Variants in RUNX1 observed in about 807,000 individuals in gnomAD.
The protein encoded by RUNX1 is runt-related transcription factor 1.
RUNX1 carries 19 observed loss-of-function variants against 42.8 expected under a neutral mutation model. That is an observed-to-expected ratio of 0.44 (90% CI 0.31 to 0.65). The LOEUF (loss-of-function observed/expected upper bound fraction) is 0.65. Among genes scored for constraint, RUNX1 ranks in the 30% least tolerant of loss-of-function variants. RUNX1 has a pLI of 0.07. For synonymous variants in RUNX1, 271 were observed against 289.4 expected (o/e 0.94, Z 0.64); for missense variants, 528 against 672.0 (o/e 0.79, Z 2.37).
chr21:34,806,629 G>C lies in RUNX1; in HGVS notation c.806-7167C>G, dbSNP rs138177001. ...CCTAAACGGCACTACCAGTCAACTTGATCTAATTAACATTTATGGAATACT... is the reference window on the plus strand; with the variant it reads ...CCTAAACGGCACTACCAGTCAACTTCATCTAATTAACATTTATGGAATACT... On this transcript the variant is annotated intron_variant, in intron 7 of 8. Coordinates refer to ENST00000675419, the MANE Select transcript of RUNX1 (RefSeq NM_001754.5). Among the ~76,000 whole-genome samples, 121 of 152,188 alleles carry C rather than the reference G, an allele frequency of 8.0e-4. 1 individual carries two copies. The highest frequency in any genetic ancestry group is 3.4e-3 in the Middle Eastern group (1 of 294).
At chr21:34,834,272 G>T in intron 7 of RUNX1, 138 bp downstream of exon 7, 1 of 865,032 alleles carries the variant, frequency 1.2e-6, no homozygotes, top group Non-Finnish European at 1.9e-6. Context: ...CCCAGGTGGT[G>T]CTGTTGGTTC....
chr21:34,971,417 T>C (rs748500208), intron 2 of RUNX1, among the ~76,000 whole-genome samples: 1 of 152,212 alleles, frequency 6.6e-6, no homozygotes, highest in African/African-American at 2.4e-5. Flanking sequence ...CTCTAAAGAA[T>C]GATAATTCTT....
intron 5 of RUNX1, 72 bp from the exon 6 acceptor site, chr21:34,859,650 A>G: frequency 1.1e-5 from 13 of 1,198,430 alleles, no homozygotes; most frequent in Non-Finnish European, 1.6e-5. Context: ...ATAACCAATC[A>G]TTAATTTATG....
In RUNX1 at chr21:34,880,644, A is replaced by C. The variant is rs1182543054; in HGVS notation, c.421T>G (p.Ser141Ala). 3.4e-5 allele frequency: 55 copies of C among 1,614,026 alleles called. No individual in the cohort carries two copies. Among genetic ancestry groups the C allele is most frequent in the Non-Finnish European group, 4.5e-5 (53 of 1,180,018 alleles). Residue 141 changes from serine (S) to alanine (A), a missense_variant, in exon 5 of 9, where the codon TCG (serine) becomes GCG (alanine). Physicochemically the swap from Ser to Ala is moderately conservative, Grantham distance 99. Transcript: ENST00000675419. ...GCGGTAGCATTTCTCAGCTCAGCCG[A>C]GTAGTTTTCATCATTGCCAGCCATC... ...TVMAGNDENY[S>A]AELRNATAAM... is the part of the protein sequence containing the mutation.
chr21:34,860,789 G>A (rs1005480401), intron 5 of RUNX1, among the ~76,000 whole-genome samples: 4 of 152,030 alleles, frequency 2.6e-5, no homozygotes, highest in African/African-American at 4.8e-5. Flanking sequence ...AATGTCATGC[G>A]TGTCTTAATA....
At chr21:34,997,339 A>T (rs751334665) in intron 2 of RUNX1, among the ~76,000 whole-genome samples, 1 of 151,884 alleles carries the variant, frequency 6.6e-6, no homozygotes, top group Non-Finnish European at 1.5e-5. Context: ...ATTCACAATA[A>T]AAAAAAATAG....
chr21:35,009,666 C>A (rs927766896), intron 2 of RUNX1, among the ~76,000 whole-genome samples: 19 of 152,186 alleles, frequency 1.2e-4, no homozygotes, highest in Non-Finnish European at 2.6e-4. Flanking sequence ...GTGACCTGGA[C>A]TGGTCAGAGT....
chr21:34,839,069 C>T (rs1438790623), intron 6 of RUNX1, among the ~76,000 whole-genome samples: 1 of 152,074 alleles, frequency 6.6e-6, no homozygotes, highest in African/African-American at 2.4e-5. Flanking sequence ...TAAGCTAAGA[C>T]AACACCACAA....
At chr21:34,912,540 C>T (rs1203968258) in intron 2 of RUNX1, among the ~76,000 whole-genome samples, 2 of 152,102 alleles carry the variant, frequency 1.3e-5, no homozygotes, top group African/African-American at 2.4e-5. Context: ...TTTCTCATTC[C>T]GATGGAAAAC....
At position 34,886,939 on chromosome 21, in the gene RUNX1, G is replaced by A. The variant is rs56251824; in HGVS notation, c.255C>T (p.His85=). The change falls in exon 4 of 9, where the codon CAC becomes CAT. Residue 85 remains histidine (H), a synonymous_variant. Transcript: ENST00000675419. ...TGTCGGTGCGCACCAGCTCGCCCGG[G>A]TGGTCGGCCAGCACCTCCACCATGC... ...DRSMVEVLAD[H]PGELVRTDSP... 2.5e-6 allele frequency: 4 copies of A among 1,613,008 alleles called. No homozygotes were observed. The highest frequency in any genetic ancestry group is 3.4e-6 in the Non-Finnish European group (4 of 1,179,698).
At chr21:34,820,204 G>T (rs1389351216) in intron 7 of RUNX1, among the ~76,000 whole-genome samples, 1 of 152,180 alleles carries the variant, frequency 6.6e-6, no homozygotes, top group Non-Finnish European at 1.5e-5. Context: ...TGCGGAGGGT[G>T]GGCATGGCTT....
chr21:34,814,046 CAAA>C (rs968550003), intron 7 of RUNX1, among the ~76,000 whole-genome samples: 1 of 151,018 alleles, frequency 6.6e-6, no homozygotes, highest in Non-Finnish European at 1.5e-5. Context: ...AGCTAAACCT[CAAA>C]AAAAAAGAAG....
In RUNX1 at chr21:34,791,344, T is replaced by A; in HGVS notation, c.*791A>T. On this transcript the variant is annotated 3_prime_UTR_variant, in exon 9 of 9. Coordinates refer to ENST00000675419, the MANE Select transcript of RUNX1 (RefSeq NM_001754.5). ...AAATAATTAAAAAATTATCAACACA[T>A]AAATGTCTGAACATCAAGATACATA... 4.3e-6 allele frequency: 1 copy of A among 231,764 alleles called. No homozygotes were observed. The highest frequency in any genetic ancestry group is 8.5e-6 in the Non-Finnish European group (1 of 117,038). 14.4% of individuals were successfully genotyped at this position (231,764 alleles called of 1,614,324 possible).
At chr21:35,001,477 C>T (rs1474349826) in intron 2 of RUNX1, among the ~76,000 whole-genome samples, 1 of 151,886 alleles carries the variant, frequency 6.6e-6, no homozygotes, top group African/African-American at 2.4e-5. Flanking sequence ...ACTAAATATG[C>T]ATTAGGAGTA....
At chr21:34,828,966 A>C (rs2057027548) in intron 7 of RUNX1, among the ~76,000 whole-genome samples, 1 of 152,186 alleles carries the variant, frequency 6.6e-6, no homozygotes, top group Non-Finnish European at 1.5e-5. Flanking sequence ...ACAGTTTTTG[A>C]GTGTTAACCA....
chr21:34,888,514 A>AT (rs756098686), intron 3 of RUNX1: 6 of 1,065,828 alleles, frequency 5.6e-6, no homozygotes, highest in South Asian at 4.5e-5. Context: ...ACAAAAAAAA[A>AT]CAACAAAAAA....
chr21:34,962,904 GCCA>G (rs907716071), intron 2 of RUNX1, among the ~76,000 whole-genome samples: 4 of 152,318 alleles, frequency 2.6e-5, no homozygotes, highest in Admixed American at 2.6e-4. Flanking sequence ...CTTGAACTTT[GCCA>G]CCACATCACA....
intron 2 of RUNX1, among the ~76,000 whole-genome samples, chr21:34,943,159 C>A (rs554410766): frequency 3.7e-4 from 56 of 152,314 alleles, no homozygotes; most frequent in African/African-American, 1.3e-3. Context: ...AGCACAAATG[C>A]TTCAGTGAAA....
intron 2 of RUNX1, among the ~76,000 whole-genome samples, chr21:34,988,113 T>A (rs183520537): frequency 1.7e-4 from 26 of 152,274 alleles, no homozygotes; most frequent in Non-Finnish European, 8.8e-5. Flanking sequence ...GCGCCCCTCC[T>A]CAAGGCTGGG....
Sources: gnomAD v4.1 joint callset for allele counts (sites outside exome capture counted in the v4.1 genomes callset) on GRCh38, gnomAD v4.1.1 for gene constraint, MANE v1.5 for transcripts, NCBI Gene and HGNC (gene_info 2026-07-23, HGNC 2026-07-21) for gene names.